The following PREP variants were observed in gnomAD, a reference collection of about 807,000 sequenced individuals.
PREP encodes the protein dJ355L5.1 (prolyl endopeptidase).
In PREP, 29 loss-of-function variants were observed where a neutral mutation model predicts 87.6. That is an observed-to-expected ratio of 0.33 (90% confidence interval 0.25 to 0.45). The LOEUF (loss-of-function observed/expected upper bound fraction) is 0.45. Among genes scored for constraint, PREP ranks in the 20% least tolerant of loss-of-function variants. The pLI is 1.00. For missense variants in PREP, 695 were observed against 886.5 expected (o/e 0.78, Z 2.74); for synonymous variants, 337 against 328.6 (o/e 1.03, Z -0.28).
intron 13 of PREP, 103 bp downstream of exon 13, chr6:105,282,348 G>C: frequency 1.4e-6 from 2 of 1,389,886 alleles, no homozygotes; most frequent in Non-Finnish European, 2.0e-6. Context: ...ACCACTTTGT[G>C]GTCCTATCCA....
intron 11 of PREP, 23 bp downstream of exon 11, chr6:105,288,735 C>T: frequency 6.2e-7 from 1 of 1,612,472 alleles, no homozygotes; most frequent in East Asian, 2.2e-5. Context: ...AATACTGGCA[C>T]TCTGAGTGCG....
intron 10 of PREP, among the ~76,000 whole-genome samples, chr6:105,315,548 T>C (rs1770845036): frequency 2.0e-5 from 3 of 152,182 alleles, no homozygotes; most frequent in Admixed American, 1.3e-4. Context: ...AATCACCAGC[T>C]GCATTAGCCC....
rs916946614 is a variant in PREP at position 105,360,692 on chromosome 6, T to G, written c.718-7615A>C. On this transcript the variant is annotated intron_variant, in intron 6 of 14. Coordinates refer to ENST00000652536, the MANE Select transcript of PREP (RefSeq NM_002726.5). The stretch of plus-strand genomic sequence containing the variant: ...TGTACTTGTCTGATAAACGTGTAAT[T>G]CGGACAACTTAGCATATTCAGGAAA... Among the ~76,000 whole-genome samples, 4 of 152,240 alleles carry G rather than the reference T, an allele frequency of 2.6e-5. 1 individual carries two copies. Among genetic ancestry groups the G allele is most frequent in the Non-Finnish European group, 5.9e-5 (4 of 68,050 alleles).
intron 6 of PREP, among the ~76,000 whole-genome samples, chr6:105,362,531 C>A (rs1408194081): frequency 6.6e-6 from 1 of 152,122 alleles, no homozygotes; most frequent in Non-Finnish European, 1.5e-5. Flanking sequence ...GTAAGAAAAG[C>A]GATTGATCAA....
chr6:105,288,486 T>C (rs1770233757), intron 11 of PREP, among the ~76,000 whole-genome samples: 1 of 152,186 alleles, frequency 6.6e-6, no homozygotes, highest in African/African-American at 2.4e-5. Flanking sequence ...CCTGAGTAGC[T>C]GGGATTACAG....
chr6:105,346,029 T>C (rs1319147314), intron 7 of PREP, among the ~76,000 whole-genome samples: 3 of 152,224 alleles, frequency 2.0e-5, no homozygotes, highest in Non-Finnish European at 4.4e-5. Context: ...TCAGATTTCC[T>C]ATTTTGGGTC....
intron 10 of PREP, among the ~76,000 whole-genome samples, chr6:105,309,632 C>G (rs1009184938): frequency 2.5e-4 from 38 of 151,932 alleles, no homozygotes; most frequent in African/African-American, 8.7e-4. Context: ...AATAAGTAAG[C>G]AAATGGAGAA....
intron 3 of PREP, 102 bp downstream of exon 3, chr6:105,377,284 A>G (rs548094583): frequency 7.6e-7 from 1 of 1,310,524 alleles, no homozygotes; most frequent in African/African-American, 1.5e-5. Context: ...CTTATAATGA[A>G]TTAATCTTAT....
intron 3 of PREP, 65 bp downstream of exon 3, chr6:105,377,321 A>C: frequency 1.3e-6 from 2 of 1,501,910 alleles, no homozygotes; most frequent in Non-Finnish European, 1.8e-6. Context: ...TGGAATTTGT[A>C]TTTTACAATT....
intron 10 of PREP, among the ~76,000 whole-genome samples, chr6:105,311,234 A>G (rs1465900661): frequency 6.6e-6 from 1 of 152,140 alleles, no homozygotes; most frequent in Admixed American, 6.5e-5. Flanking sequence ...TTACATCAAA[A>G]CCATGTCTCT....
In PREP at chr6:105,288,853, G is replaced by A. The variant is rs1451708278; in HGVS notation, c.1359C>T (p.Phe453=). 6.2e-7 allele frequency: 1 copy of A among 1,613,496 alleles called. No individual in the cohort carries two copies. Among genetic ancestry groups the A allele is most frequent in the Non-Finnish European group, 8.5e-7 (1 of 1,179,396 alleles). Reference sequence around the variant, plus strand: ...ATTTTATGCCTTTTTTATGCACAATGAACATTGGAATCTTCGTACCATCCT... The same window carrying A: ...ATTTTATGCCTTTTTTATGCACAATAAACATTGGAATCTTCGTACCATCCT... The part of the protein sequence containing the change: ...PSKDGTKIPM[F]IVHKKGIKLD... The change falls in exon 11 of 15, where the codon TTC becomes TTT. Residue 453 remains phenylalanine (F), a synonymous_variant. Transcript: ENST00000652536.
chr6:105,311,103 A>C (rs1190058), intron 10 of PREP, among the ~76,000 whole-genome samples: 11,029 of 152,142 alleles, frequency 0.072, 1,345 homozygotes, highest in African/African-American at 0.25. Flanking sequence ...GTCCACAGTC[A>C]CCACTCTAGC....
At chr6:105,375,224 G>A (rs1772660546) in intron 4 of PREP, among the ~76,000 whole-genome samples, 1 of 152,154 alleles carries the variant, frequency 6.6e-6, no homozygotes, top group Non-Finnish European at 1.5e-5. Flanking sequence ...AAGGGTCTTT[G>A]CACAGGTCTG....
At chr6:105,290,009 G>GAT (rs1336630106) in intron 10 of PREP, among the ~76,000 whole-genome samples, 1 of 152,102 alleles carries the variant, frequency 6.6e-6, no homozygotes. Flanking sequence ...ATAGGACCAT[G>GAT]ATAAACGCCT....
rs1770238943 is a variant in PREP at position 105,288,706 on chromosome 6, C to T, written c.1454+52G>A. The T allele has an allele frequency of 5.0e-6, 8 of 1,600,690 alleles. No individual in the cohort carries two copies. In the East Asian group the frequency reaches 1.6e-4, roughly 31 times the overall value. On this transcript the variant is annotated intron_variant, in intron 11 of 14. Coordinates refer to ENST00000652536, the MANE Select transcript of PREP (RefSeq NM_002726.5). ...TTAGTAGAGCACTCTGGTTTGTTTC[C>T]ACTATATGGAAAAGATAAAATACTG...
chr6:105,342,163 G>A (rs1181589435), intron 7 of PREP, among the ~76,000 whole-genome samples: 1 of 152,192 alleles, frequency 6.6e-6, no homozygotes, highest in African/African-American at 2.4e-5. Context: ...GAATCCAGCA[G>A]CACATCAAAA....
intron 2 of PREP, among the ~76,000 whole-genome samples, chr6:105,384,328 G>A (rs1017524549): frequency 5.9e-5 from 9 of 152,198 alleles, no homozygotes; most frequent in Non-Finnish European, 1.3e-4. Context: ...CTCATGCTTG[G>A]TTATGCCAGG....
chr6:105,322,888 C>A (rs541002656), intron 10 of PREP: 66 of 1,180,016 alleles, frequency 5.6e-5, no homozygotes, highest in Non-Finnish European at 7.0e-5. Context: ...TTCACAGAAA[C>A]ATTGTGGGGA....
chr6:105,375,495 CT>C (rs1772665290), intron 4 of PREP, among the ~76,000 whole-genome samples: 1 of 152,214 alleles, frequency 6.6e-6, no homozygotes. Flanking sequence ...ATAATCTTCT[CT>C]ATGGCCTACG....
Sources: allele counts gnomAD v4.1 joint callset (sites outside exome capture counted in the v4.1 genomes callset), GRCh38; gene constraint gnomAD v4.1.1; transcripts MANE v1.5; gene names NCBI Gene and HGNC (gene_info 2026-07-23, HGNC 2026-07-21).